Variants in EPB41L4B observed in about 807,000 individuals in gnomAD.
EPB41L4B encodes the protein band 4.1-like protein 4B.
A neutral mutation model predicts 112.5 loss-of-function variants in EPB41L4B; 30 were observed. The ratio of observed to expected loss-of-function variants is 0.27; its 90% CI spans 0.20 to 0.36. The LOEUF (loss-of-function observed/expected upper bound fraction) is 0.36. Among genes scored for constraint, EPB41L4B ranks in the 10% least tolerant of loss-of-function variants. The pLI, the probability that EPB41L4B is intolerant of heterozygous loss-of-function variation, is 1.00. For synonymous variants in EPB41L4B, 408 were observed against 439.7 expected (o/e 0.93, Z 0.90); for missense variants, 1,024 against 1,133.3 (o/e 0.90, Z 1.38).
chr9:109,182,867 G>C, intron 23 of EPB41L4B, 70 bp from the exon 24 acceptor site: 1 of 1,148,938 alleles, frequency 8.7e-7, no homozygotes. Flanking sequence ...CTTTGGCAGC[G>C]CACCTTTAAA....
chr9:109,190,621 G>A (rs546956581), intron 22 of EPB41L4B, among the ~76,000 whole-genome samples: 2 of 152,344 alleles, frequency 1.3e-5, no homozygotes, highest in African/African-American at 4.8e-5. Flanking sequence ...CGCTTTGAGG[G>A]AGGGTACTGG....
intron 15 of EPB41L4B, among the ~76,000 whole-genome samples, chr9:109,238,655 C>G (rs548150904): frequency 6.6e-6 from 1 of 151,742 alleles, no homozygotes; most frequent in Non-Finnish European, 1.5e-5. Context: ...TGCAACGTTG[C>G]TATAGATGGG....
At chr9:109,196,249 G>T (rs543429387) in intron 20 of EPB41L4B, 20 of 151,938 alleles carry the variant, frequency 1.3e-4, no homozygotes, top group Non-Finnish European at 2.1e-4. Context: ...TGCGCAGGGG[G>T]ACCATGCTAA....
In EPB41L4B at chr9:109,174,396, C is replaced by T. The variant is rs558575504; in HGVS notation, c.*158G>A. ...CTTAGGAGACATAAAATAACTTTTC[C>T]CATAAAAGTCAAGCCAGAAATTGGC... On this transcript the variant is annotated 3_prime_UTR_variant, in exon 26 of 26. Transcript: ENST00000374566. The T allele has an allele frequency of 9.4e-5, 62 of 657,784 alleles. No homozygotes were observed. Among genetic ancestry groups the T allele is most frequent in the Non-Finnish European group, 2.8e-6 (1 of 363,044 alleles). 40.7% of individuals were successfully genotyped at this position (657,784 alleles called of 1,614,324 possible). A position where few individuals can be genotyped will look rare whatever the true frequency, so the allele number is the denominator to read the frequency against.
At chr9:109,285,656 A>G (rs1380248713) in intron 1 of EPB41L4B, among the ~76,000 whole-genome samples, 1 of 152,108 alleles carries the variant, frequency 6.6e-6, no homozygotes, top group Non-Finnish European at 1.5e-5. Flanking sequence ...GAATGAAGAC[A>G]AGGTGATCAA....
chr9:109,239,444 G>A (rs907424957), intron 15 of EPB41L4B, among the ~76,000 whole-genome samples: 1 of 152,174 alleles, frequency 6.6e-6, no homozygotes, highest in African/African-American at 2.4e-5. Context: ...GGGTTACAGA[G>A]GATGGTTTCA....
intron 23 of EPB41L4B, 98 bp downstream of exon 23, chr9:109,185,390 TG>T: frequency 2.0e-6 from 2 of 977,284 alleles, no homozygotes; most frequent in Non-Finnish European, 3.3e-6. Context: ...GCCCGAGATC[TG>T]GGGCTTCTGC....
intron 12 of EPB41L4B, 133 bp from the exon 13 acceptor site, chr9:109,251,644 T>C (rs1834791991): frequency 1.3e-6 from 1 of 799,368 alleles, no homozygotes; most frequent in African/African-American, 1.7e-5. Flanking sequence ...CAGAACTGCA[T>C]GGTGGCTACT....
chr9:109,183,513 G>C (rs1174852751), intron 23 of EPB41L4B, among the ~76,000 whole-genome samples: 1 of 152,178 alleles, frequency 6.6e-6, no homozygotes, highest in Non-Finnish European at 1.5e-5. Flanking sequence ...TGGTGAAAAA[G>C]ACTCTTGACT....
intron 1 of EPB41L4B, chr9:109,301,010 A>T (rs1836943662): frequency 6.6e-6 from 1 of 152,226 alleles, no homozygotes; most frequent in South Asian, 2.1e-4. Flanking sequence ...CTATACTCAT[A>T]GCCACCATAG....
At chr9:109,261,125 A>C (rs563204762) in intron 6 of EPB41L4B, among the ~76,000 whole-genome samples, 112 of 152,296 alleles carry the variant, frequency 7.4e-4, no homozygotes, top group African/African-American at 2.6e-3. Context: ...GAGTGGCCGG[A>C]GTGCGGAGGC....
At chr9:109,252,099 T>C (rs1834809752) in intron 12 of EPB41L4B, among the ~76,000 whole-genome samples, 1 of 152,078 alleles carries the variant, frequency 6.6e-6, no homozygotes, top group Admixed American at 6.5e-5. Flanking sequence ...TCACAGACCC[T>C]GGGGCCCAGA....
intron 15 of EPB41L4B, among the ~76,000 whole-genome samples, chr9:109,221,040 G>T (rs974522653): frequency 2.0e-5 from 3 of 152,170 alleles, no homozygotes; most frequent in African/African-American, 7.2e-5. Context: ...CGTGAGTTGG[G>T]TTAAGCGATT....
intron 1 of EPB41L4B, among the ~76,000 whole-genome samples, chr9:109,305,691 G>A (rs1253048675): frequency 2.0e-5 from 3 of 150,868 alleles, no homozygotes; most frequent in Admixed American, 6.6e-5. Context: ...GGGAGGCTGC[G>A]GTGGGCGGAT....
At chr9:109,261,723 G>A (rs28501152) in intron 6 of EPB41L4B, among the ~76,000 whole-genome samples, 1,604 of 152,264 alleles carry the variant, frequency 0.011, 32 homozygotes, top group African/African-American at 0.037. Flanking sequence ...TGGGTGGTAG[G>A]ACAGTGGGTT....
chr9:109,303,934 C>T (rs1837076038), intron 1 of EPB41L4B, among the ~76,000 whole-genome samples: 2 of 152,128 alleles, frequency 1.3e-5, no homozygotes, highest in Non-Finnish European at 2.9e-5. Context: ...CTAGGCTGTT[C>T]TGTTCTCACT....
At chr9:109,278,539 AAT>A (rs749289813) in intron 2 of EPB41L4B, among the ~76,000 whole-genome samples, 38 of 152,170 alleles carry the variant, frequency 2.5e-4, no homozygotes, top group Non-Finnish European at 3.5e-4. Flanking sequence ...TTCCAGATAC[AAT>A]CAGGAAGTAT....
chr9:109,275,179 T>C (rs999587014), intron 2 of EPB41L4B, among the ~76,000 whole-genome samples: 4 of 152,202 alleles, frequency 2.6e-5, no homozygotes, highest in Non-Finnish European at 5.9e-5. Flanking sequence ...CAGGGCACTA[T>C]GGAAACCAGG....
intron 2 of EPB41L4B, among the ~76,000 whole-genome samples, chr9:109,278,180 C>A (rs1205667803): frequency 6.6e-6 from 1 of 152,046 alleles, no homozygotes; most frequent in East Asian, 1.9e-4. Flanking sequence ...TGCCCTTCTC[C>A]CGGGTCCGGT....
Sources: allele counts gnomAD v4.1 joint callset (sites outside exome capture counted in the v4.1 genomes callset), GRCh38; gene constraint gnomAD v4.1.1; transcripts MANE v1.5; gene names NCBI Gene and HGNC (gene_info 2026-07-23, HGNC 2026-07-21).